Variants in SHISA9 observed in about 807,000 individuals in gnomAD.
The protein encoded by SHISA9 is protein shisa-9.
In SHISA9, 13 loss-of-function variants were observed where a neutral mutation model predicts 38.0. The ratio of observed to expected loss-of-function variants is 0.34; its 90% confidence interval spans 0.22 to 0.54. The LOEUF is 0.54. Ranked by LOEUF, SHISA9 falls within the 20% of genes least tolerant of loss-of-function variation. The pLI is 0.91. For missense variants in SHISA9, 538 were observed against 575.8 expected (o/e 0.93, Z 0.67); for synonymous variants, 275 against 242.0 (o/e 1.14, Z -1.27).
At chr16:13,026,866 G>C (rs2072928889) in intron 2 of SHISA9, among the ~76,000 whole-genome samples, 1 of 152,194 alleles carries the variant, frequency 6.6e-6, no homozygotes, top group Admixed American at 6.5e-5. Flanking sequence ...TATAGGAGAA[G>C]GATGTGAAGC....
intron 1 of SHISA9, among the ~76,000 whole-genome samples, chr16:12,915,995 TTG>T (rs1365043977): frequency 7.4e-5 from 7 of 94,482 alleles, no homozygotes; most frequent in African/African-American, 1.4e-4. Context: ...AGTTTTTTTT[TTG>T]TGTGTGTGTG....
chr16:13,140,164 C>T, intron 2 of SHISA9, among the ~76,000 whole-genome samples: 1 of 114,880 alleles, frequency 8.7e-6, no homozygotes. Context: ...CCCTCCCCTC[C>T]CCTCCCCTCC....
At chr16:13,093,140 G>T (rs1056681696) in intron 2 of SHISA9, among the ~76,000 whole-genome samples, 5 of 152,196 alleles carry the variant, frequency 3.3e-5, no homozygotes, top group South Asian at 2.1e-4. Flanking sequence ...GAGTTGGAAA[G>T]GGTGAGGAAC....
the SHISA9 span, among the ~76,000 whole-genome samples, chr16:13,403,851 C>T: frequency 6.6e-6 from 1 of 152,148 alleles, no homozygotes; most frequent in South Asian, 2.1e-4. Flanking sequence ...GGGCAAGTCA[C>T]TTTACCTGCA....
chr16:13,342,474 G>T, the SHISA9 span, among the ~76,000 whole-genome samples: 1 of 152,064 alleles, frequency 6.6e-6, no homozygotes, highest in African/African-American at 2.4e-5. Context: ...ATTTTTAGTA[G>T]AGAATTTCAC....
intron 2 of SHISA9, among the ~76,000 whole-genome samples, chr16:13,061,923 A>G (rs1288674512): frequency 1.3e-5 from 2 of 152,304 alleles, no homozygotes; most frequent in East Asian, 1.9e-4. Context: ...AAGAGCCTGC[A>G]CAAGTTCCTT....
the SHISA9 span, among the ~76,000 whole-genome samples, chr16:13,394,640 A>G: frequency 1.3e-5 from 2 of 152,054 alleles, no homozygotes; most frequent in African/African-American, 4.8e-5. Flanking sequence ...AATCTTCCTT[A>G]AGGCACAGTA....
At chr16:13,279,081 G>C in the SHISA9 span, among the ~76,000 whole-genome samples, 2 of 151,894 alleles carry the variant, frequency 1.3e-5, no homozygotes, top group Admixed American at 1.3e-4. Context: ...TGCCTTTGCT[G>C]TATCCCAGAG....
the SHISA9 span, among the ~76,000 whole-genome samples, chr16:13,334,635 G>T: frequency 6.6e-6 from 1 of 151,854 alleles, no homozygotes; most frequent in East Asian, 1.9e-4. Context: ...ATAGCCAGGC[G>T]TGGTGGCGGG....
chr16:13,147,743 A>G (rs549787561), intron 2 of SHISA9, among the ~76,000 whole-genome samples: 1 of 152,234 alleles, frequency 6.6e-6, no homozygotes, highest in East Asian at 1.9e-4. Context: ...CTATAGGCGT[A>G]AGCCACCACG....
chr16:13,040,627 T>A (rs1437710472), intron 2 of SHISA9, among the ~76,000 whole-genome samples: 20 of 152,176 alleles, frequency 1.3e-4, no homozygotes, highest in Non-Finnish European at 2.8e-4. Flanking sequence ...TCTCATCTAC[T>A]TTTCCCCCTT....
At chr16:12,949,856 C>G (rs2141772658) in intron 2 of SHISA9, among the ~76,000 whole-genome samples, 1 of 152,164 alleles carries the variant, frequency 6.6e-6, no homozygotes, top group Non-Finnish European at 1.5e-5. Context: ...TTTATTATTT[C>G]TTTGTGTTGG....
chr16:12,918,464 C>G (rs1261843808), intron 2 of SHISA9, among the ~76,000 whole-genome samples: 5 of 152,152 alleles, frequency 3.3e-5, no homozygotes, highest in Admixed American at 1.3e-4. Flanking sequence ...AATCAGCACT[C>G]AAATGAAATA....
At chr16:13,004,115 A>T (rs2072564826) in intron 2 of SHISA9, among the ~76,000 whole-genome samples, 1 of 152,158 alleles carries the variant, frequency 6.6e-6, no homozygotes. Flanking sequence ...CCACCTGTTG[A>T]GGAGGTGTTT....
At chr16:13,266,058 T>C in the SHISA9 span, among the ~76,000 whole-genome samples, 1 of 118,292 alleles carries the variant, frequency 8.5e-6, no homozygotes, top group Non-Finnish European at 1.8e-5. Flanking sequence ...TTTTTGCATT[T>C]TCATGTTCAG....
intron 2 of SHISA9, among the ~76,000 whole-genome samples, chr16:13,002,443 C>T (rs4781377): frequency 0.2 from 30,706 of 152,058 alleles, 3,722 homozygotes; most frequent in Middle Eastern, 0.34. Context: ...AGTCTCATAA[C>T]CAGTTATTTA....
the SHISA9 span, among the ~76,000 whole-genome samples, chr16:13,432,043 A>G: frequency 6.6e-6 from 1 of 152,258 alleles, no homozygotes; most frequent in Admixed American, 6.5e-5. Context: ...CCTGGTTGAC[A>G]GAGTGGGACT....
chr16:13,392,583 C>T, the SHISA9 span, among the ~76,000 whole-genome samples: 94 of 152,174 alleles, frequency 6.2e-4, no homozygotes, highest in African/African-American at 2.1e-3. Flanking sequence ...GTCAAACAGT[C>T]CCTCTGATTA....
chr16:13,531,893 G>T, the SHISA9 span, among the ~76,000 whole-genome samples: 1 of 152,124 alleles, frequency 6.6e-6, no homozygotes, highest in East Asian at 1.9e-4. Flanking sequence ...CACAGTACTC[G>T]AGCACTTTCA....
Sources: allele counts gnomAD v4.1 joint callset (sites outside exome capture counted in the v4.1 genomes callset), GRCh38; gene constraint gnomAD v4.1.1; transcripts MANE v1.5; gene names NCBI Gene and HGNC (gene_info 2026-07-23, HGNC 2026-07-21).